Variants in INSL6 observed in about 807,000 individuals in gnomAD.
The protein encoded by INSL6 is insulin-like peptide INSL6.
Under a neutral mutation model 9.4 loss-of-function variants are expected in INSL6, and 16 were observed. That is an observed-to-expected ratio of 1.70 (90% CI 1.15 to 2.59). INSL6 has a LOEUF of 2.59. Ranked by LOEUF, INSL6 falls within the 30% of genes most tolerant of loss-of-function variation. The pLI is 0.00. For synonymous variants in INSL6, 154 were observed against 96.9 expected (o/e 1.59, Z -3.46); for missense variants, 391 against 257.3 (o/e 1.52, Z -3.56).
At chr9:5,104,555 T>G in the INSL6 span, among the ~76,000 whole-genome samples, 1 of 152,212 alleles carries the variant, frequency 6.6e-6, no homozygotes, top group Non-Finnish European at 1.5e-5. Context: ...CCCTAACTCA[T>G]TTTATGAGGC....
chr9:5,026,925 C>A, the INSL6 span, among the ~76,000 whole-genome samples: 1 of 152,106 alleles, frequency 6.6e-6, no homozygotes, highest in South Asian at 2.1e-4. Flanking sequence ...ATTAAAATAG[C>A]CCAAAGGACA....
At chr9:5,116,463 A>C in the INSL6 span, among the ~76,000 whole-genome samples, 1 of 152,170 alleles carries the variant, frequency 6.6e-6, no homozygotes, top group Admixed American at 6.5e-5. Flanking sequence ...AAAAAGTAAG[A>C]CTCATCTAAA....
At chr9:5,123,129 T>G, downstream of INSL6, 1 of 1,530,542 alleles carries the variant, frequency 6.5e-7, no homozygotes, top group Non-Finnish European at 8.9e-7. Flanking sequence ...GCGGTCAGTG[T>G]GCTTTTTATT....
the INSL6 span, chr9:5,108,589 C>G: frequency 1.3e-5 from 2 of 151,960 alleles, no homozygotes; most frequent in African/African-American, 2.4e-5. Flanking sequence ...CATGTAGAAG[C>G]CCCTATTGCC....
chr9:5,073,889 T>C, the INSL6 span: 1 of 716,812 alleles, frequency 1.4e-6, no homozygotes, highest in Non-Finnish European at 2.4e-6. Flanking sequence ...GTGTAAACTA[T>C]AATTTAACAG....
the INSL6 span, chr9:5,111,107 G>C: frequency 8.2e-7 from 1 of 1,219,638 alleles, no homozygotes. Context: ...GACCAGAACA[G>C]CTCCTCCTTT....
chr9:5,114,658 C>G, the INSL6 span: 2 of 455,260 alleles, frequency 4.4e-6, no homozygotes, highest in African/African-American at 4.0e-5. Flanking sequence ...CCCCGCAAAA[C>G]CAAGGGCTCT....
chr9:5,127,618 A>G, intron 3 of INSL6: 1 of 231,898 alleles, frequency 4.3e-6, no homozygotes, highest in Admixed American at 5.6e-5. Context: ...TTTTCTTTTA[A>G]AATTTTGAGA....
the INSL6 span, among the ~76,000 whole-genome samples, chr9:5,056,982 C>A: frequency 6.6e-6 from 1 of 152,084 alleles, no homozygotes; most frequent in Non-Finnish European, 1.5e-5. Flanking sequence ...GCTAAGTATC[C>A]GTAAAGCTCC....
At chr9:5,165,731 T>G (rs1454809359) in intron 1 of INSL6, among the ~76,000 whole-genome samples, 2 of 152,232 alleles carry the variant, frequency 1.3e-5, no homozygotes, top group African/African-American at 2.4e-5. Flanking sequence ...TTGTCACTGT[T>G]ATGCTGCTCT....
At chr9:5,100,180 A>T in the INSL6 span, 4 of 152,180 alleles carry the variant, frequency 2.6e-5, no homozygotes, top group Non-Finnish European at 5.9e-5. Context: ...CATAGACCTT[A>T]TTCAGGCTTA....
intron 3 of INSL6, chr9:5,132,667 C>T (rs1824313992): frequency 6.6e-6 from 1 of 152,068 alleles, no homozygotes; most frequent in South Asian, 2.1e-4. Flanking sequence ...CATCAGATAA[C>T]TCATATTAAT....
the INSL6 span, among the ~76,000 whole-genome samples, chr9:5,018,813 T>C: frequency 4.6e-5 from 7 of 152,376 alleles, no homozygotes; most frequent in Admixed American, 4.6e-4. Context: ...TTTTTTTCTT[T>C]CAGCACTTTT....
intron 2 of INSL6, among the ~76,000 whole-genome samples, chr9:5,144,457 G>A (rs1289523771): frequency 6.6e-6 from 1 of 152,150 alleles, no homozygotes; most frequent in African/African-American, 2.4e-5. Context: ...AAGTGGTGAT[G>A]AGATGAATGT....
chr9:5,003,723 A>G, the INSL6 span, among the ~76,000 whole-genome samples: 1 of 152,084 alleles, frequency 6.6e-6, no homozygotes, highest in Non-Finnish European at 1.5e-5. Context: ...TGCACTAGCC[A>G]CAATGTCCAC....
the INSL6 span, among the ~76,000 whole-genome samples, chr9:5,063,764 A>G: frequency 2.6e-5 from 4 of 152,204 alleles, no homozygotes; most frequent in Non-Finnish European, 4.4e-5. Flanking sequence ...TTTTCATTAT[A>G]TAACTGACTT....
chr9:5,062,500 TAAAAAAAAAAAAAAAAAAAAA>T, the INSL6 span, among the ~76,000 whole-genome samples: 1 of 58,248 alleles, frequency 1.7e-5, no homozygotes, highest in South Asian at 6.3e-4. Flanking sequence ...CTTCCATTTG[TAAAAAAAAAAAAAAAAAAAAA>T]AAAAAAAAAA....
At chr9:5,004,638 A>C in the INSL6 span, among the ~76,000 whole-genome samples, 2 of 152,268 alleles carry the variant, frequency 1.3e-5, no homozygotes, top group East Asian at 3.9e-4. Flanking sequence ...TTTTAGTTCC[A>C]ATACCCAGAA....
chr9:5,068,917 A>C, the INSL6 span: 25 of 661,802 alleles, frequency 3.8e-5, no homozygotes, highest in Non-Finnish European at 5.2e-5. Context: ...TCATGGTTCA[A>C]ATGTTTATTC....
Sources: gnomAD v4.1 joint callset for allele counts (sites outside exome capture counted in the v4.1 genomes callset) on GRCh38, gnomAD v4.1.1 for gene constraint, MANE v1.5 for transcripts, NCBI Gene and HGNC (gene_info 2026-07-23, HGNC 2026-07-21) for gene names.